Variants in ZNF280D observed in about 807,000 individuals in gnomAD.
ZNF280D encodes the protein suppressor of hairy wing homolog 4.
Under a neutral mutation model 94.7 loss-of-function variants are expected in ZNF280D, and 39 were observed. The ratio of observed to expected loss-of-function variants is 0.41; its 90% confidence interval spans 0.32 to 0.54. The LOEUF is 0.54. ZNF280D is among the 20% of genes least tolerant of loss of function. ZNF280D has a pLI of 0.22. For synonymous variants in ZNF280D, 398 were observed against 377.6 expected, an observed-to-expected ratio of 1.05 and a Z score of -0.63; for missense variants, 1,090 against 1,149.3, an observed-to-expected ratio of 0.95 and a Z score of 0.75.
At chr15:56,700,820 T>C (rs1361177751) in intron 6 of ZNF280D, 113 bp downstream of exon 6, 5 of 1,586,008 alleles carry the variant, frequency 3.2e-6, no homozygotes, top group African/African-American at 1.4e-5. Context: ...CTAACTATGC[T>C]TCTACTGGAT....
chr15:56,707,926 A>C (rs1439955050), intron 1 of ZNF280D, among the ~76,000 whole-genome samples: 1 of 151,966 alleles, frequency 6.6e-6, no homozygotes, highest in Non-Finnish European at 1.5e-5. Flanking sequence ...GGCTTTAAAA[A>C]TGCTGTTAGA....
At chr15:56,683,606 C>A (rs1175388558) in intron 9 of ZNF280D, among the ~76,000 whole-genome samples, 1 of 152,174 alleles carries the variant, frequency 6.6e-6, no homozygotes, top group Non-Finnish European at 1.5e-5. Context: ...CTTATCTTTA[C>A]TCCTCCCAGT....
intron 20 of ZNF280D, among the ~76,000 whole-genome samples, chr15:56,642,378 G>C (rs1395363472): frequency 6.6e-6 from 1 of 151,592 alleles, no homozygotes; most frequent in South Asian, 2.1e-4. Flanking sequence ...CTCAAAAAGA[G>C]GCAAACAATC....
intron 9 of ZNF280D, among the ~76,000 whole-genome samples, chr15:56,683,929 G>A (rs1317761823): frequency 1.3e-5 from 2 of 152,118 alleles, no homozygotes; most frequent in Non-Finnish European, 2.9e-5. Flanking sequence ...GAAGTAAAGG[G>A]GACCCAGTGG....
chr15:56,679,860 C>T (rs1456785817), intron 10 of ZNF280D, among the ~76,000 whole-genome samples: 1 of 152,148 alleles, frequency 6.6e-6, no homozygotes, highest in Admixed American at 6.5e-5. Context: ...ATATCTTTTC[C>T]TCCTTTGGTT....
intron 1 of ZNF280D, among the ~76,000 whole-genome samples, chr15:56,721,861 G>A (rs898995404): frequency 1.3e-5 from 2 of 152,112 alleles, no homozygotes; most frequent in Admixed American, 1.3e-4. Flanking sequence ...CTTCAAGAAT[G>A]TTTCCTTCGC....
chr15:56,700,768 G>T (rs768520951), intron 6 of ZNF280D, 165 bp downstream of exon 6: 10 of 1,513,376 alleles, frequency 6.6e-6, no homozygotes, highest in Non-Finnish European at 8.8e-6. Flanking sequence ...ATTACTTGGG[G>T]TACTGCTTGA....
intron 13 of ZNF280D, among the ~76,000 whole-genome samples, chr15:56,669,871 T>A (rs1413200402): frequency 7.0e-4 from 4 of 5,694 alleles, no homozygotes; most frequent in African/African-American, 9.3e-4. Flanking sequence ...TATATATATA[T>A]TTTATATATA....
Position 56,645,889 on chromosome 15 carries a change from T to C in ZNF280D, c.2214-2892A>G, listed in dbSNP as rs189250738. ...ACATTCTGGCTCACTTATAGTAGTA[T>C]GTTCCTTTGAGGTTTCATTCACACT... On this transcript the variant is annotated intron_variant, in intron 19 of 21. Transcript: ENST00000267807. Among the ~76,000 whole-genome samples, 5 of 152,262 alleles carry C rather than the reference T, an allele frequency of 3.3e-5. No homozygotes were observed. The East Asian group carries it at 7.7e-4, about 24-fold the overall frequency.
At chr15:56,698,153 G>A (rs1005974353) in intron 6 of ZNF280D, 1 of 152,108 alleles carries the variant, frequency 6.6e-6, no homozygotes, top group Non-Finnish European at 1.5e-5. Context: ...CAGAACACCC[G>A]TTCCATTAAA....
chr15:56,653,498 T>C (rs1329880130), intron 19 of ZNF280D: 5 of 1,516,802 alleles, frequency 3.3e-6, no homozygotes, highest in Non-Finnish European at 4.4e-6. Flanking sequence ...ATTATTCACA[T>C]TCCTTGGAAA....
At chr15:56,673,632 A>G (rs1470045592) in intron 13 of ZNF280D, among the ~76,000 whole-genome samples, 1 of 151,986 alleles carries the variant, frequency 6.6e-6, no homozygotes, top group Non-Finnish European at 1.5e-5. Context: ...GTGCCTTTCC[A>G]AAGTCTTGGC....
chr15:56,693,503 G>A (rs893474737), intron 6 of ZNF280D, among the ~76,000 whole-genome samples: 1 of 151,782 alleles, frequency 6.6e-6, no homozygotes, highest in Admixed American at 6.6e-5. Flanking sequence ...AACTAAAATG[G>A]GGGGCATATT....
intron 20 of ZNF280D, among the ~76,000 whole-genome samples, chr15:56,637,786 C>A (rs1445530856): frequency 6.6e-6 from 1 of 151,806 alleles, no homozygotes; most frequent in East Asian, 1.9e-4. Flanking sequence ...TACTAGTAGT[C>A]ATTGTATTCT....
intron 19 of ZNF280D, chr15:56,652,844 A>T: frequency 1.0e-6 from 1 of 984,184 alleles, no homozygotes; most frequent in Non-Finnish European, 1.2e-6. Flanking sequence ...AGTAACAGCC[A>T]AATTTAAAAT....
chr15:56,631,911 G>T lies in ZNF280D; in HGVS notation c.2527C>A (p.Gln843Lys). ...AACTCCATTTCCTGACAAACGTGTT[G>T]TATTTGTTTTTTCTTTTCCACTTTA... ...ADKVEKKKQI[Q>K]HVCQEMELKM... Residue 843 changes from glutamine to lysine, a missense_variant, in exon 22 of 22, where the codon CAA (glutamine) becomes AAA (lysine). Physicochemically the swap from Gln to Lys is moderately conservative, Grantham distance 53. Transcript: ENST00000267807. 1 of 1,613,656 alleles carries T rather than the reference G, an allele frequency of 6.2e-7. No individual in the cohort carries two copies.
rs1160464112 is a variant in ZNF280D at position 56,676,827 on chromosome 15, AAAG to A, written c.1264-14_1264-12del. On this transcript the variant is annotated splice_polypyrimidine_tract_variant and intron_variant, in intron 12 of 21. Coordinates refer to ENST00000267807, the MANE Select transcript of ZNF280D (RefSeq NM_017661.4). ...TCTATAATTACAAACCTAAAAAAAGAAAGAAGGCTTAGTTTAACTTGAAAATTT... is the reference window on the plus strand; with the variant it reads ...TCTATAATTACAAACCTAAAAAAAGAAAGGCTTAGTTTAACTTGAAAATTT... The A allele has an allele frequency of 4.5e-6, 7 of 1,572,116 alleles. No individual in the cohort carries two copies. The highest frequency in any genetic ancestry group is 6.1e-6 in the Non-Finnish European group (7 of 1,156,908).
chr15:56,733,340 G>C lies in ZNF280D; in HGVS notation c.-86+118C>G, dbSNP rs568164491. On this transcript the variant is annotated intron_variant, in intron 1 of 21. Transcript: ENST00000267807. ...CCCCCGCGCTCTGGGCGCTCCCGAC[G>C]ACCCGCGCCGGCCTCAAGACCCCCA... The C allele has an allele frequency of 7.1e-4, 396 of 554,002 alleles. 1 individual carries two copies. In the African/African-American group the frequency reaches 7.8e-3, roughly 11 times the overall value. 34.3% of individuals were successfully genotyped at this position (554,002 alleles called of 1,614,324 possible).
At chr15:56,682,720 A>G (rs12898760) in intron 9 of ZNF280D, among the ~76,000 whole-genome samples, 82,159 of 151,778 alleles carry the variant, frequency 0.54, 22,844 homozygotes, top group East Asian at 0.62. Flanking sequence ...AAACCAAGAC[A>G]TGGCCATAGC....
Sources: gnomAD v4.1 joint callset for allele counts (sites outside exome capture counted in the v4.1 genomes callset) on GRCh38, gnomAD v4.1.1 for gene constraint, MANE v1.5 for transcripts, NCBI Gene and HGNC (gene_info 2026-07-23, HGNC 2026-07-21) for gene names.